The following GLIS1 variants were observed in gnomAD, a reference collection of about 807,000 sequenced individuals.
The protein encoded by GLIS1 is zinc finger protein GLIS1.
A neutral mutation model predicts 63.8 loss-of-function variants in GLIS1; 24 were observed. The observed-to-expected ratio is 0.38, with a 90% CI of 0.27 to 0.53. The LOEUF (loss-of-function observed/expected upper bound fraction) is 0.53, where lower values mean the gene tolerates loss of function less well. GLIS1 is among the 20% of genes least tolerant of loss of function. The pLI, the probability that GLIS1 is intolerant of heterozygous loss-of-function variation, is 0.85. For missense variants in GLIS1, 1,036 were observed against 1,074.1 expected (o/e 0.96, Z 0.50); for synonymous variants, 450 against 482.5 (o/e 0.93, Z 0.88).
chr1:53,709,441 C>CA (rs1385360117), intron 2 of GLIS1, among the ~76,000 whole-genome samples: 1 of 69,150 alleles, frequency 1.4e-5, no homozygotes, highest in African/African-American at 4.1e-5. Flanking sequence ...CACACACACA[C>CA]ACTTGTTGAT....
intron 4 of GLIS1, among the ~76,000 whole-genome samples, chr1:53,593,873 G>C (rs1055383796): frequency 1.3e-5 from 2 of 152,242 alleles, no homozygotes; most frequent in African/African-American, 2.4e-5. Flanking sequence ...GCCTCAGGGT[G>C]GGGGACTGGG....
chr1:53,655,092 C>T (rs1287191893), intron 2 of GLIS1, among the ~76,000 whole-genome samples: 1 of 152,182 alleles, frequency 6.6e-6, no homozygotes, highest in Non-Finnish European at 1.5e-5. Flanking sequence ...ACCCCAGAGG[C>T]TGGCCAGGCA....
At chr1:53,689,324 C>T (rs923555429) in intron 2 of GLIS1, among the ~76,000 whole-genome samples, 2 of 152,208 alleles carry the variant, frequency 1.3e-5, no homozygotes, top group South Asian at 4.1e-4. Flanking sequence ...GCACCACCTG[C>T]CTGGGCAGGA....
At chr1:53,711,156 C>T (rs999272698) in intron 2 of GLIS1, among the ~76,000 whole-genome samples, 51 of 152,152 alleles carry the variant, frequency 3.4e-4, no homozygotes, top group Non-Finnish European at 8.8e-5. Context: ...CAGAACCGAC[C>T]TTCGGACCCT....
chr1:53,687,983 G>A (rs559365736), intron 2 of GLIS1, among the ~76,000 whole-genome samples: 15 of 152,302 alleles, frequency 9.8e-5, no homozygotes, highest in African/African-American at 2.4e-4. Flanking sequence ...CCTCAAGCCC[G>A]GAGGACCCAG....
intron 2 of GLIS1, among the ~76,000 whole-genome samples, chr1:53,620,939 G>A (rs1645536477): frequency 6.6e-6 from 1 of 152,204 alleles, no homozygotes; most frequent in African/African-American, 2.4e-5. Flanking sequence ...CCATAGAAAT[G>A]GTTTATCAAG....
At chr1:53,515,610 G>A (rs560647443) in intron 7 of GLIS1, among the ~76,000 whole-genome samples, 19 of 152,080 alleles carry the variant, frequency 1.2e-4, no homozygotes, top group Non-Finnish European at 2.6e-4. Context: ...AAGACAGGGA[G>A]GCTAATAAAT....
At chr1:53,594,028 C>A (rs1338624207) in intron 4 of GLIS1, 80 bp downstream of exon 4, 1 of 1,453,486 alleles carries the variant, frequency 6.9e-7, no homozygotes, top group African/African-American at 1.4e-5. Flanking sequence ...GAGTCCCAGG[C>A]GGCCTCTCCT....
chr1:53,577,460 G>A (rs571368947), intron 4 of GLIS1, among the ~76,000 whole-genome samples: 25 of 152,290 alleles, frequency 1.6e-4, no homozygotes, highest in African/African-American at 5.5e-4. Context: ...TGACAAACAC[G>A]TGAGTCTTAC....
intron 4 of GLIS1, among the ~76,000 whole-genome samples, chr1:53,589,171 T>A (rs182446007): frequency 2.0e-5 from 3 of 152,264 alleles, no homozygotes; most frequent in African/African-American, 7.2e-5. Flanking sequence ...AGTGGTGTGA[T>A]CATAGCTCAC....
chr1:53,626,660 C>T (rs1023025162), intron 2 of GLIS1, among the ~76,000 whole-genome samples: 3 of 152,366 alleles, frequency 2.0e-5, no homozygotes, highest in Non-Finnish European at 4.4e-5. Context: ...CACAGCCTGG[C>T]TCAGAACAGA....
chr1:53,728,885 C>T (rs1357290113), intron 2 of GLIS1, among the ~76,000 whole-genome samples: 2 of 152,208 alleles, frequency 1.3e-5, no homozygotes, highest in Non-Finnish European at 2.9e-5. Flanking sequence ...TTCCCATTGG[C>T]CAGCTGGCTG....
chr1:53,613,184 T>C (rs796526237), intron 2 of GLIS1, among the ~76,000 whole-genome samples: 1 of 152,228 alleles, frequency 6.6e-6, no homozygotes, highest in African/African-American at 2.4e-5. Flanking sequence ...ACAAGCTAAT[T>C]TGCTATAGCA....
Position 53,594,164 on chromosome 1 carries a change from A to T in GLIS1, c.1264T>A (p.Tyr422Asn). 6.2e-7 allele frequency: 1 copy of T among 1,613,822 alleles called. No homozygotes were observed. Among genetic ancestry groups the T allele is most frequent in the Non-Finnish European group, 8.5e-7 (1 of 1,179,782 alleles). ...ACTCGCATGTGGATGAGCAGCTTGT[A>T]GCGGGCGTTGAAGGGCTTGTAGCGG... ...VRRYKPFNAR[Y>N]KLLIHMRVHS... Residue 422 changes from tyrosine to asparagine, a missense_variant, in exon 4 of 11, where the codon TAC becomes AAC. By Grantham distance (143) the Tyr-to-Asn change is moderately radical. Coordinates refer to ENST00000628545, the MANE Select transcript of GLIS1 (RefSeq NM_001367484.1).
rs561060941 is a variant in GLIS1, at chr1:53,606,681, G to T, written c.260-6403C>A. 3.8e-4 allele frequency among the ~76,000 whole-genome samples: 58 copies of T among 152,336 alleles called. No homozygotes were observed. The South Asian group carries it at 0.012, about 30-fold the overall frequency. ...AGGAAGGTGGACAGCCCGGTGGACC[G>T]GGTTAGCTGAGACCTGCTGCTTGCC... is the stretch of plus-strand genomic sequence containing the variant. On this transcript the variant is annotated intron_variant, in intron 2 of 10. Coordinates refer to ENST00000628545, the MANE Select transcript of GLIS1 (RefSeq NM_001367484.1).
intron 2 of GLIS1, among the ~76,000 whole-genome samples, chr1:53,667,652 A>C (rs1036714670): frequency 6.6e-6 from 1 of 152,196 alleles, no homozygotes; most frequent in Non-Finnish European, 1.5e-5. Flanking sequence ...ATTTATAAGG[A>C]ACAGAATTTA....
chr1:53,530,511 C>A (rs1308893754), intron 4 of GLIS1, among the ~76,000 whole-genome samples: 1 of 152,208 alleles, frequency 6.6e-6, no homozygotes, highest in Non-Finnish European at 1.5e-5. Context: ...CCGTCTGGAG[C>A]ACAGAGTTGA....
At chr1:53,714,547 G>A (rs775284847) in intron 2 of GLIS1, among the ~76,000 whole-genome samples, 17 of 152,214 alleles carry the variant, frequency 1.1e-4, no homozygotes, top group Non-Finnish European at 1.6e-4. Context: ...GAAAATTCCA[G>A]TCCACGATGG....
chr1:53,617,960 G>C (rs1025847881), intron 2 of GLIS1, among the ~76,000 whole-genome samples: 1 of 152,216 alleles, frequency 6.6e-6, no homozygotes, highest in Admixed American at 6.5e-5. Flanking sequence ...CAGTGACAGA[G>C]TCCTGAGCCC....
Sources: gnomAD v4.1 joint callset for allele counts (sites outside exome capture counted in the v4.1 genomes callset) on GRCh38, gnomAD v4.1.1 for gene constraint, MANE v1.5 for transcripts, NCBI Gene and HGNC (gene_info 2026-07-23, HGNC 2026-07-21) for gene names.